MYO3B: variants seen among roughly 807,000 people sequenced by gnomAD.
MYO3B encodes the protein myosin-IIIb.
In MYO3B, 156 loss-of-function variants were observed where a neutral mutation model predicts 174.6. The observed-to-expected ratio is 0.89, with a 90% confidence interval of 0.78 to 1.02. The LOEUF (loss-of-function observed/expected upper bound fraction) is 1.02. Among genes scored for constraint, MYO3B ranks in the 50% least tolerant of loss-of-function variants. The pLI, the probability that MYO3B is intolerant of heterozygous loss-of-function variation, is 0.00. For missense variants in MYO3B, 1,632 were observed against 1,639.4 expected (o/e 1.00, Z 0.08); for synonymous variants, 563 against 569.1 (o/e 0.99, Z 0.15).
At chr2:170,391,745 G>T in intron 15 of MYO3B, 127 bp downstream of exon 15, 1 of 609,106 alleles carries the variant, frequency 1.6e-6, no homozygotes, top group Middle Eastern at 2.6e-4. Flanking sequence ...AGTGCCCAGG[G>T]TGAGGTGGCA....
chr2:170,646,347 C>T (rs1341005884), intron 32 of MYO3B, among the ~76,000 whole-genome samples: 1 of 151,052 alleles, frequency 6.6e-6, no homozygotes, highest in Non-Finnish European at 1.5e-5. Context: ...TACTTCATTG[C>T]AACGTATTCC....
intron 7 of MYO3B, chr2:170,333,971 T>C (rs1462845977): frequency 1.3e-5 from 2 of 152,166 alleles, no homozygotes; most frequent in Admixed American, 6.6e-5. Flanking sequence ...GTAAGGAAGA[T>C]TAGGGGGAAG....
At chr2:170,416,194 C>A (rs2094577358) in intron 22 of MYO3B, among the ~76,000 whole-genome samples, 1 of 152,096 alleles carries the variant, frequency 6.6e-6, no homozygotes, top group Non-Finnish European at 1.5e-5. Flanking sequence ...CTCTGCTTCT[C>A]CACCTGCCTC....
intron 25 of MYO3B, among the ~76,000 whole-genome samples, chr2:170,478,522 T>TACACACACAC (rs60349340): frequency 1.3e-3 from 163 of 126,100 alleles, no homozygotes; most frequent in African/African-American, 3.3e-3. Context: ...GGTGTTATTG[T>TACACACACAC]ACACACACAC....
At chr2:170,264,734 TGCTCTTAAA>T (rs1270307665) in intron 7 of MYO3B, among the ~76,000 whole-genome samples, 4 of 152,358 alleles carry the variant, frequency 2.6e-5, no homozygotes, top group Admixed American at 6.5e-5. Flanking sequence ...TACTGTCTTA[TGCTCTTAAA>T]GGATAAATAC....
At chr2:170,194,979 C>T (rs564525901) in intron 1 of MYO3B, among the ~76,000 whole-genome samples, 1 of 152,190 alleles carries the variant, frequency 6.6e-6, no homozygotes, top group African/African-American at 2.4e-5. Flanking sequence ...GAAGACTCAG[C>T]AAGTCTAGCC....
At chr2:170,370,302 T>TA (rs1202808626) in intron 9 of MYO3B, among the ~76,000 whole-genome samples, 1 of 152,188 alleles carries the variant, frequency 6.6e-6, no homozygotes, top group African/African-American at 2.4e-5. Context: ...GAAAACTGTT[T>TA]ACTAATCAAA....
intron 32 of MYO3B, among the ~76,000 whole-genome samples, chr2:170,597,402 C>T (rs963931951): frequency 9.9e-5 from 15 of 151,704 alleles, no homozygotes; most frequent in African/African-American, 3.1e-4. Context: ...GAAGCCCTGC[C>T]GAGCTGGTGC....
At chr2:170,395,395 A>G (rs1322574170) in intron 16 of MYO3B, among the ~76,000 whole-genome samples, 6 of 152,230 alleles carry the variant, frequency 3.9e-5, no homozygotes, top group Non-Finnish European at 8.8e-5. Flanking sequence ...TTTTGGGCAG[A>G]TGATCTATGT....
At chr2:170,621,564 C>T (rs1695921021) in intron 32 of MYO3B, among the ~76,000 whole-genome samples, 1 of 150,230 alleles carries the variant, frequency 6.7e-6, no homozygotes, top group South Asian at 2.1e-4. Context: ...GGCTGGAGTG[C>T]AGTGGTGTGA....
At chr2:170,537,167 C>T (rs1357111644) in intron 30 of MYO3B, among the ~76,000 whole-genome samples, 1 of 146,262 alleles carries the variant, frequency 6.8e-6, no homozygotes, top group East Asian at 2.1e-4. Flanking sequence ...TGCCACTGCG[C>T]TCCAGCCCGG....
intron 9 of MYO3B, among the ~76,000 whole-genome samples, chr2:170,381,163 C>T (rs1326022756): frequency 1.3e-5 from 2 of 151,660 alleles, no homozygotes; most frequent in African/African-American, 2.4e-5. Flanking sequence ...AAACAACAAC[C>T]CCCCCCATCG....
intron 13 of MYO3B, 31 bp downstream of exon 13, chr2:170,386,303 C>A (rs773117920): frequency 1.3e-6 from 2 of 1,566,496 alleles, no homozygotes; most frequent in East Asian, 4.5e-5. Flanking sequence ...CGTATTGTGG[C>A]GAGAAGTTCC....
chr2:170,374,765 AC>A (rs1401570654), intron 9 of MYO3B, among the ~76,000 whole-genome samples: 1 of 48,918 alleles, frequency 2.0e-5, no homozygotes, highest in African/African-American at 6.2e-5. Flanking sequence ...ACATACACAC[AC>A]ACACACACAC....
At chr2:170,179,962 T>C (rs2092377037) in intron 1 of MYO3B, among the ~76,000 whole-genome samples, 3 of 152,228 alleles carry the variant, frequency 2.0e-5, no homozygotes, top group African/African-American at 7.2e-5. Context: ...ATTCTCTAGA[T>C]TTGAAAGCAT....
In MYO3B at chr2:170,382,100, G is replaced by A. The variant is rs1558944058; in HGVS notation, c.1056G>A (p.Glu352=). ...YCLEDDLVNL[E]VLDEDTIIHQ... ...TTGAGGATGATTTGGTCAACCTAGA[G>A]GTTCTGGATGAGGTACTAAATATTT... The change falls in exon 10 of 35, where the codon GAG becomes GAA. Residue 352 remains glutamate (E), a synonymous_variant. Transcript: ENST00000408978. The A allele has an allele frequency of 1.9e-6, 3 of 1,612,776 alleles. 1 individual carries two copies. Among genetic ancestry groups the A allele is most frequent in the South Asian group, 2.2e-5 (2 of 90,890 alleles).
intron 32 of MYO3B, among the ~76,000 whole-genome samples, chr2:170,555,604 G>T (rs1314313741): frequency 6.6e-6 from 1 of 152,116 alleles, no homozygotes; most frequent in Non-Finnish European, 1.5e-5. Flanking sequence ...AGGTGTGGTG[G>T]TTTACACCTG....
intron 22 of MYO3B, among the ~76,000 whole-genome samples, chr2:170,429,871 C>T (rs561221688): frequency 1.7e-4 from 26 of 152,280 alleles, no homozygotes; most frequent in African/African-American, 5.5e-4. Context: ...CAGTTTCAAT[C>T]GCAATGAATT....
At position 170,330,496 on chromosome 2, in the gene MYO3B, C is replaced by G. The variant is rs184918909; in HGVS notation, c.750-4889C>G. 3.5e-3 allele frequency among the ~76,000 whole-genome samples: 538 copies of G among 152,254 alleles called. 2 individuals are homozygous for G. Among genetic ancestry groups the G allele is most frequent in the Non-Finnish European group, 6.5e-3 (440 of 68,022 alleles). ...AGTTGCATTTTCTTCACTTGTGAAACTGGAATAATTCCTATTTAATAGGAT... is the reference window on the plus strand; with the variant it reads ...AGTTGCATTTTCTTCACTTGTGAAAGTGGAATAATTCCTATTTAATAGGAT... On this transcript the variant is annotated intron_variant, in intron 7 of 34. Coordinates refer to ENST00000408978, the MANE Select transcript of MYO3B (RefSeq NM_138995.5).
Sources: gnomAD v4.1 joint callset for allele counts (sites outside exome capture counted in the v4.1 genomes callset) on GRCh38, gnomAD v4.1.1 for gene constraint, MANE v1.5 for transcripts, NCBI Gene and HGNC (gene_info 2026-07-23, HGNC 2026-07-21) for gene names.